TTC28: variants seen among roughly 807,000 people sequenced by gnomAD.
TTC28 encodes tetratricopeptide repeat protein 28.
Under a neutral mutation model 198.0 loss-of-function variants are expected in TTC28, and 61 were observed. The observed-to-expected ratio is 0.31, with a 90% confidence interval of 0.25 to 0.38. TTC28 has a LOEUF of 0.38. Among genes scored for constraint, TTC28 ranks in the 10% least tolerant of loss-of-function variants. The pLI, the probability that TTC28 is intolerant of heterozygous loss-of-function variation, is 1.00. For missense variants in TTC28, 2,678 were observed against 3,164.0 expected (o/e 0.85, Z 3.69); for synonymous variants, 1,171 against 1,297.8 (o/e 0.90, Z 2.10).
intron 12 of TTC28, among the ~76,000 whole-genome samples, chr22:28,054,819 G>C (rs1441278241): frequency 6.6e-6 from 1 of 152,118 alleles, no homozygotes; most frequent in Non-Finnish European, 1.5e-5. Flanking sequence ...ATCCCAACTG[G>C]CTTTGAACAT....
chr22:28,168,197 C>T (rs1922241748), intron 5 of TTC28, among the ~76,000 whole-genome samples: 1 of 152,176 alleles, frequency 6.6e-6, no homozygotes, highest in Non-Finnish European at 1.5e-5. Flanking sequence ...CAAGAACATT[C>T]CATGCTCATG....
chr22:28,190,598 C>T (rs976773689), intron 5 of TTC28, among the ~76,000 whole-genome samples: 1 of 152,172 alleles, frequency 6.6e-6, no homozygotes, highest in Non-Finnish European at 1.5e-5. Flanking sequence ...AGGAAACTCA[C>T]ATGAAAATTC....
At chr22:28,021,056 A>G (rs1346579586) in intron 13 of TTC28, among the ~76,000 whole-genome samples, 1 of 152,212 alleles carries the variant, frequency 6.6e-6, no homozygotes, top group African/African-American at 2.4e-5. Flanking sequence ...TCCCACGTGA[A>G]GAACACAGCA....
chr22:28,530,443 T>C (rs191147779), intron 2 of TTC28, among the ~76,000 whole-genome samples: 91 of 152,246 alleles, frequency 6.0e-4, no homozygotes, highest in Middle Eastern at 3.4e-3. Context: ...ATTGGTGTAC[T>C]TGAAAGTCAT....
intron 2 of TTC28, among the ~76,000 whole-genome samples, chr22:28,472,071 T>G (rs539182841): frequency 9.2e-5 from 14 of 152,302 alleles, no homozygotes; most frequent in African/African-American, 3.4e-4. Flanking sequence ...CTTTCCTGAA[T>G]AGCTAATAAA....
At chr22:28,563,946 G>A (rs1427803066) in intron 2 of TTC28, among the ~76,000 whole-genome samples, 2 of 152,042 alleles carry the variant, frequency 1.3e-5, no homozygotes, top group Non-Finnish European at 2.9e-5. Context: ...CACACACAAA[G>A]AAATATTATT....
chr22:28,017,461 G>T (rs971560288), intron 13 of TTC28, among the ~76,000 whole-genome samples: 4 of 152,196 alleles, frequency 2.6e-5, no homozygotes, highest in African/African-American at 9.7e-5. Context: ...AAGGCTCTTT[G>T]GGACAGCACC....
In TTC28 at chr22:27,990,828, T is replaced by G. The variant is rs1032081038; in HGVS notation, c.5554-16A>C. ...TTTTAACAGCCTTCGGCCAGCAGAT[T>G]ATAAGAAAAAGAAAGAAAGAGAGAA... On this transcript the variant is annotated splice_polypyrimidine_tract_variant and intron_variant, in intron 19 of 22. Coordinates refer to ENST00000397906, the MANE Select transcript of TTC28 (RefSeq NM_001145418.2). The G allele has an allele frequency of 1.9e-6, 3 of 1,547,616 alleles. No homozygotes were observed. Among genetic ancestry groups the G allele is most frequent in the Middle Eastern group, 1.7e-4 (1 of 5,990 alleles).
At chr22:28,631,337 T>C (rs1471076849) in intron 1 of TTC28, among the ~76,000 whole-genome samples, 2 of 152,204 alleles carry the variant, frequency 1.3e-5, no homozygotes, top group African/African-American at 2.4e-5. Context: ...TACCATGAAA[T>C]TTCAAAGACA....
At chr22:28,432,412 C>A (rs1323747126) in intron 2 of TTC28, among the ~76,000 whole-genome samples, 1 of 152,048 alleles carries the variant, frequency 6.6e-6, no homozygotes, top group Non-Finnish European at 1.5e-5. Context: ...CTCATTCATT[C>A]TTAATTCATA....
chr22:28,284,666 C>A (rs1287292545), intron 5 of TTC28, among the ~76,000 whole-genome samples: 1 of 151,590 alleles, frequency 6.6e-6, no homozygotes, highest in South Asian at 2.1e-4. Flanking sequence ...ATAAAAATAA[C>A]CCAATTTAAA....
At chr22:28,620,233 C>T (rs958576633) in intron 2 of TTC28, among the ~76,000 whole-genome samples, 1 of 151,860 alleles carries the variant, frequency 6.6e-6, no homozygotes, top group Non-Finnish European at 1.5e-5. Flanking sequence ...ACCTGTAATC[C>T]CAGCTACTCA....
chr22:28,649,016 T>TA (rs555237829), intron 1 of TTC28, among the ~76,000 whole-genome samples: 72 of 152,062 alleles, frequency 4.7e-4, no homozygotes, highest in Non-Finnish European at 9.9e-4. Flanking sequence ...TACTCAACCA[T>TA]AAAAAAGAAT....
chr22:28,062,184 A>G (rs1940567523), intron 12 of TTC28, among the ~76,000 whole-genome samples: 1 of 151,994 alleles, frequency 6.6e-6, no homozygotes, highest in Non-Finnish European at 1.5e-5. Context: ...CAGCCGCCTG[A>G]GTAACTGAGC....
chr22:28,336,689 G>T (rs113753104), intron 2 of TTC28, among the ~76,000 whole-genome samples: 1 of 151,502 alleles, frequency 6.6e-6, no homozygotes, highest in East Asian at 1.9e-4. Flanking sequence ...GGTGATATCC[G>T]CTTTATCATT....
chr22:28,167,389 T>C (rs1922119389), intron 5 of TTC28, among the ~76,000 whole-genome samples: 1 of 152,198 alleles, frequency 6.6e-6, no homozygotes, highest in Non-Finnish European at 1.5e-5. Flanking sequence ...TTTAGACCAA[T>C]ATCCCTGATG....
chr22:28,051,068 A>T (rs1940067852), intron 12 of TTC28, among the ~76,000 whole-genome samples: 1 of 152,222 alleles, frequency 6.6e-6, no homozygotes, highest in Non-Finnish European at 1.5e-5. Context: ...AGAGAAAGTC[A>T]GGGTGTAACC....
chr22:28,297,558 A>C, intron 4 of TTC28, 22 bp downstream of exon 4: 1 of 1,541,230 alleles, frequency 6.5e-7, no homozygotes, highest in Non-Finnish European at 8.8e-7. Context: ...TTCTGCACTG[A>C]AATAGAGAAG....
chr22:28,659,229 C>G (rs910976767), intron 1 of TTC28, among the ~76,000 whole-genome samples: 1 of 152,180 alleles, frequency 6.6e-6, no homozygotes, highest in African/African-American at 2.4e-5. Flanking sequence ...TGTCTCTAAA[C>G]ATTCAACTGT....
Sources: allele counts gnomAD v4.1 joint callset (sites outside exome capture counted in the v4.1 genomes callset), GRCh38; gene constraint gnomAD v4.1.1; transcripts MANE v1.5; gene names NCBI Gene and HGNC (gene_info 2026-07-23, HGNC 2026-07-21).